GKAP1: variants seen among roughly 807,000 people sequenced by gnomAD.
GKAP1 encodes G kinase anchoring protein 1.
A neutral mutation model predicts 56.7 loss-of-function variants in GKAP1; 31 were observed. The ratio of observed to expected loss-of-function variants is 0.55; its 90% CI spans 0.41 to 0.74. The LOEUF is 0.74. GKAP1 is among the 30% of genes least tolerant of loss of function. GKAP1 has a pLI of 0.00. For missense variants in GKAP1, 364 were observed against 402.3 expected, an observed-to-expected ratio of 0.90 and a Z score of 0.82; for synonymous variants, 151 against 138.6, an observed-to-expected ratio of 1.09 and a Z score of -0.63.
chr9:83,815,573 AACACAC>A (rs377376142), intron 2 of GKAP1, among the ~76,000 whole-genome samples: 9 of 149,414 alleles, frequency 6.0e-5, no homozygotes, highest in Non-Finnish European at 8.9e-5. Flanking sequence ...AACTTCAGAA[AACACAC>A]ACACACACAC....
At chr9:83,745,794 TA>T (rs1447074949) in intron 10 of GKAP1, among the ~76,000 whole-genome samples, 3 of 151,456 alleles carry the variant, frequency 2.0e-5, no homozygotes, top group Non-Finnish European at 2.9e-5. Context: ...TTTTTCCCCG[TA>T]TTTTTTTTTT....
At chr9:83,770,559 C>A (rs764210432) in intron 7 of GKAP1, among the ~76,000 whole-genome samples, 1 of 151,648 alleles carries the variant, frequency 6.6e-6, no homozygotes, top group South Asian at 2.1e-4. Context: ...ATCGTTTACA[C>A]TGCTTTTTTT....
chr9:83,741,840 AT>A, intron 12 of GKAP1, 111 bp downstream of exon 12: 1 of 641,660 alleles, frequency 1.6e-6, no homozygotes, highest in South Asian at 1.8e-5. Flanking sequence ...TTATCAATAT[AT>A]TTAGTGAATA....
intron 11 of GKAP1, 40 bp from the exon 12 acceptor site, chr9:83,742,069 T>A (rs1170039648): frequency 3.7e-6 from 5 of 1,333,832 alleles, no homozygotes; most frequent in Non-Finnish European, 5.3e-6. Flanking sequence ...ATTTTTGGGG[T>A]TTTTGGCAAA....
intron 4 of GKAP1, among the ~76,000 whole-genome samples, chr9:83,797,339 C>T (rs1219507086): frequency 6.6e-6 from 1 of 152,154 alleles, no homozygotes; most frequent in Non-Finnish European, 1.5e-5. Flanking sequence ...GGAAGAACAC[C>T]CCCTACATTG....
intron 5 of GKAP1, among the ~76,000 whole-genome samples, chr9:83,787,976 CA>C (rs889061217): frequency 6.6e-6 from 1 of 152,150 alleles, no homozygotes; most frequent in African/African-American, 2.4e-5. Flanking sequence ...TTTCTATGTT[CA>C]TTTAAAATTA....
chr9:83,746,036 C>T (rs1298897756), intron 10 of GKAP1, among the ~76,000 whole-genome samples: 3 of 152,114 alleles, frequency 2.0e-5, no homozygotes, highest in African/African-American at 7.2e-5. Flanking sequence ...AGTGATCCAC[C>T]TGCCTCGGCC....
chr9:83,769,870 C>G (rs564812153), intron 7 of GKAP1, among the ~76,000 whole-genome samples: 1 of 152,280 alleles, frequency 6.6e-6, no homozygotes, highest in South Asian at 2.1e-4. Flanking sequence ...CTCATCAACA[C>G]TTGTTGTTAT....
intron 12 of GKAP1, among the ~76,000 whole-genome samples, chr9:83,741,620 T>TA (rs1291052786): frequency 3.9e-5 from 6 of 152,140 alleles, no homozygotes; most frequent in African/African-American, 1.2e-4. Context: ...ACAATGGAGA[T>TA]ATCTAGGAGA....
intron 6 of GKAP1, among the ~76,000 whole-genome samples, chr9:83,781,056 A>G (rs1374643287): frequency 6.6e-6 from 1 of 152,180 alleles, no homozygotes; most frequent in Non-Finnish European, 1.5e-5. Flanking sequence ...TGAGGAAAGC[A>G]TAAGGGAATC....
chr9:83,769,904 G>A (rs578204392), intron 7 of GKAP1, among the ~76,000 whole-genome samples: 2 of 152,256 alleles, frequency 1.3e-5, no homozygotes, highest in African/African-American at 4.8e-5. Context: ...GATAGCCACC[G>A]GGTGTGAAGT....
intron 7 of GKAP1, among the ~76,000 whole-genome samples, chr9:83,773,517 A>G (rs1943798759): frequency 6.6e-6 from 1 of 152,114 alleles, no homozygotes; most frequent in East Asian, 1.9e-4. Flanking sequence ...TTATAACTCA[A>G]TACAGCTGTT....
intron 8 of GKAP1, among the ~76,000 whole-genome samples, chr9:83,767,689 ATTAT>A (rs1367778859): frequency 9.9e-5 from 15 of 151,880 alleles, no homozygotes; most frequent in Admixed American, 6.6e-5. Flanking sequence ...AATTTTTAAA[ATTAT>A]TTATTTAATT....
At chr9:83,804,857 C>A (rs1430487554) in intron 3 of GKAP1, among the ~76,000 whole-genome samples, 1 of 147,118 alleles carries the variant, frequency 6.8e-6, no homozygotes, top group African/African-American at 2.5e-5. Flanking sequence ...GGGGGTCAGC[C>A]CCCCGCCCGG....
At chr9:83,797,979 C>G (rs924321491) in intron 4 of GKAP1, among the ~76,000 whole-genome samples, 3 of 152,120 alleles carry the variant, frequency 2.0e-5, no homozygotes, top group Admixed American at 6.5e-5. Flanking sequence ...CCCCTAGAAA[C>G]AGTACAAGAT....
chr9:83,767,661 C>G (rs1316612360), intron 8 of GKAP1, among the ~76,000 whole-genome samples: 1 of 151,846 alleles, frequency 6.6e-6, no homozygotes, highest in East Asian at 1.9e-4. Flanking sequence ...CAGCACCCAG[C>G]CATATTCTCT....
chr9:83,799,034 A>T, intron 4 of GKAP1, 151 bp downstream of exon 4: 1 of 672,920 alleles, frequency 1.5e-6, no homozygotes, highest in Non-Finnish European at 2.5e-6. Context: ...AGTAGATCAA[A>T]AACAGAACCT....
rs1564214426 is a variant in GKAP1, at chr9:83,804,511, CCGGGAGGGAGG to C, written c.216+1780_216+1790del. 1.9e-3 allele frequency among the ~76,000 whole-genome samples: 151 copies of C among 79,622 alleles called. 4 individuals carry two copies. The East Asian group carries it at 0.045, about 24-fold the overall frequency. The allele number at this position is 79,622 out of a possible 152,430, so 52.2% of individuals were successfully genotyped here. On this transcript the variant is annotated intron_variant, in intron 3 of 12. Coordinates refer to ENST00000376371, the MANE Select transcript of GKAP1 (RefSeq NM_025211.4). ...CCCTCTGCTCGGCCAGCCGCCCCGT[CCGGGAGGGAGG>C]TGGGGGGGTCAGCCCCCCGCCCAGC...
chr9:83,781,000 T>C (rs7848649), intron 6 of GKAP1, among the ~76,000 whole-genome samples: 148,096 of 152,322 alleles, frequency 0.97, 72,029 homozygotes, highest in East Asian at 1. Flanking sequence ...AATTATTGGC[T>C]TAGAAACAAC....
Sources: allele counts gnomAD v4.1 joint callset (sites outside exome capture counted in the v4.1 genomes callset), GRCh38; gene constraint gnomAD v4.1.1; transcripts MANE v1.5; gene names NCBI Gene and HGNC (gene_info 2026-07-23, HGNC 2026-07-21).